The following GALNT13 variants were observed in gnomAD, a reference collection of about 807,000 sequenced individuals.
GALNT13 encodes polypeptide N-acetylgalactosaminyltransferase 13, also known as UDP-GalNAc:polypeptide N-acetylgalactosaminyltransferase 13.
GALNT13 carries 28 observed loss-of-function variants against 64.2 expected under a neutral mutation model. The observed-to-expected ratio is 0.44, with a 90% CI of 0.32 to 0.60. GALNT13 has a LOEUF of 0.60. GALNT13 is among the 20% of genes least tolerant of loss of function. The pLI is 0.05. For missense variants in GALNT13, 577 were observed against 669.8 expected (o/e 0.86, Z 1.53); for synonymous variants, 214 against 224.6 (o/e 0.95, Z 0.42).
the GALNT13 span, among the ~76,000 whole-genome samples, chr2:153,211,702 C>T: frequency 3.9e-5 from 6 of 152,024 alleles, no homozygotes; most frequent in African/African-American, 1.4e-4. Context: ...CAAATTTATG[C>T]CTGGAAAGAG....
the GALNT13 span, among the ~76,000 whole-genome samples, chr2:153,609,528 G>A: frequency 6.6e-6 from 1 of 151,998 alleles, no homozygotes. Context: ...GTGAGACCTT[G>A]CCTTTTATCA....
the GALNT13 span, among the ~76,000 whole-genome samples, chr2:153,574,162 T>A: frequency 6.6e-6 from 1 of 150,814 alleles, no homozygotes; most frequent in African/African-American, 2.4e-5. Flanking sequence ...GTACTTTAAA[T>A]ATGTCATGTC....
chr2:153,409,040 C>A, the GALNT13 span, among the ~76,000 whole-genome samples: 1 of 152,128 alleles, frequency 6.6e-6, no homozygotes, highest in Non-Finnish European at 1.5e-5. Flanking sequence ...CACCAGACTC[C>A]AAGTTCTTCG....
the GALNT13 span, among the ~76,000 whole-genome samples, chr2:153,521,529 A>G: frequency 6.6e-6 from 1 of 152,206 alleles, no homozygotes; most frequent in South Asian, 2.1e-4. Context: ...TGACGAACCC[A>G]CAATGACACA....
intron 4 of GALNT13, among the ~76,000 whole-genome samples, chr2:154,235,208 G>A (rs983305576): frequency 4.6e-5 from 7 of 152,126 alleles, no homozygotes; most frequent in Non-Finnish European, 1.0e-4. Flanking sequence ...ATACACCAAA[G>A]ATGAGTACGG....
chr2:154,272,697 A>C (rs1691420221), intron 8 of GALNT13, among the ~76,000 whole-genome samples: 1 of 152,068 alleles, frequency 6.6e-6, no homozygotes, highest in Non-Finnish European at 1.5e-5. Flanking sequence ...AATCAAACAA[A>C]ATGATGCTGA....
the GALNT13 span, among the ~76,000 whole-genome samples, chr2:153,471,178 C>T: frequency 1.3e-5 from 2 of 152,022 alleles, no homozygotes; most frequent in Non-Finnish European, 2.9e-5. Context: ...AGATAGATCC[C>T]GAAGGACATG....
chr2:153,293,980 C>G, the GALNT13 span, among the ~76,000 whole-genome samples: 1 of 152,018 alleles, frequency 6.6e-6, no homozygotes, highest in Non-Finnish European at 1.5e-5. Flanking sequence ...CATTGCCCAG[C>G]TAATTTTTGT....
chr2:153,876,534 G>GGA (rs1237792062), intron 1 of GALNT13, among the ~76,000 whole-genome samples: 1 of 152,066 alleles, frequency 6.6e-6, no homozygotes, highest in African/African-American at 2.4e-5. Flanking sequence ...GTTTTTGGGA[G>GGA]GAGCAGTGTA....
the GALNT13 span, among the ~76,000 whole-genome samples, chr2:153,392,858 C>A: frequency 9.9e-5 from 15 of 152,030 alleles, no homozygotes; most frequent in African/African-American, 3.6e-4. Flanking sequence ...GTAATTAGGT[C>A]AAGAAGGCAG....
chr2:154,180,311 T>G (rs1172748740), intron 4 of GALNT13, among the ~76,000 whole-genome samples: 1 of 152,094 alleles, frequency 6.6e-6, no homozygotes, highest in African/African-American at 2.4e-5. Flanking sequence ...TATATAATTT[T>G]TGTTATTTTA....
At chr2:154,153,870 C>G (rs1684229824) in intron 4 of GALNT13, among the ~76,000 whole-genome samples, 1 of 152,232 alleles carries the variant, frequency 6.6e-6, no homozygotes, top group Admixed American at 6.5e-5. Flanking sequence ...AACTCCCTGA[C>G]CCCTTGCGCT....
intron 3 of GALNT13, among the ~76,000 whole-genome samples, chr2:154,041,740 G>A (rs1280798893): frequency 7.1e-6 from 1 of 140,190 alleles, no homozygotes; most frequent in African/African-American, 2.4e-5. Context: ...CTTCAAATAT[G>A]GGAATCTCTA....
At chr2:153,479,981 C>G in the GALNT13 span, among the ~76,000 whole-genome samples, 1 of 152,236 alleles carries the variant, frequency 6.6e-6, no homozygotes, top group Non-Finnish European at 1.5e-5. Context: ...AGCTGGAAAC[C>G]AGTAACTTGA....
the GALNT13 span, among the ~76,000 whole-genome samples, chr2:153,721,486 T>A: frequency 6.6e-6 from 1 of 150,672 alleles, no homozygotes; most frequent in African/African-American, 2.5e-5. Flanking sequence ...ATAAATGGAC[T>A]AAATTCTCCA....
the GALNT13 span, among the ~76,000 whole-genome samples, chr2:153,102,995 G>C: frequency 6.6e-6 from 1 of 152,044 alleles, no homozygotes; most frequent in Non-Finnish European, 1.5e-5. Flanking sequence ...GCACAGCCCA[G>C]GGTATTAATG....
chr2:153,269,553 C>T, the GALNT13 span, among the ~76,000 whole-genome samples: 1 of 152,160 alleles, frequency 6.6e-6, no homozygotes, highest in Non-Finnish European at 1.5e-5. Context: ...CTTCTGAGCC[C>T]TCCAATCTGT....
At chr2:153,630,808 T>A in the GALNT13 span, among the ~76,000 whole-genome samples, 1 of 16,984 alleles carries the variant, frequency 5.9e-5, no homozygotes, top group Admixed American at 1.1e-3. Flanking sequence ...TATATATATA[T>A]TTTTTTTTTT....
the GALNT13 span, among the ~76,000 whole-genome samples, chr2:153,500,039 C>G: frequency 6.6e-6 from 1 of 152,138 alleles, no homozygotes; most frequent in Non-Finnish European, 1.5e-5. Flanking sequence ...AGCTGGCATC[C>G]CCACAGGTGG....
Sources: gnomAD v4.1 joint callset for allele counts (sites outside exome capture counted in the v4.1 genomes callset) on GRCh38, gnomAD v4.1.1 for gene constraint, MANE v1.5 for transcripts, NCBI Gene and HGNC (gene_info 2026-07-23, HGNC 2026-07-21) for gene names.